Variants in NEO1 observed in about 807,000 individuals in gnomAD.
NEO1 encodes neogenin.
NEO1 carries 63 observed loss-of-function variants against 159.7 expected under a neutral mutation model. That is an observed-to-expected ratio of 0.39 (90% confidence interval 0.32 to 0.49). NEO1 has a LOEUF of 0.49. NEO1 is among the 20% of genes least tolerant of loss of function. The pLI, the probability that NEO1 is intolerant of heterozygous loss-of-function variation, is 0.85. For missense variants in NEO1, 1,615 were observed against 1,831.0 expected (o/e 0.88, Z 2.15); for synonymous variants, 633 against 662.0 (o/e 0.96, Z 0.67).
chr15:73,155,042 A>T, intron 5 of NEO1, among the ~76,000 whole-genome samples: 1 of 149,880 alleles, frequency 6.7e-6, no homozygotes, highest in East Asian at 2.0e-4. Flanking sequence ...TTGTGTTGTC[A>T]TGGTGGTGAA....
At chr15:73,278,757 A>G (rs2041535211) in intron 22 of NEO1, among the ~76,000 whole-genome samples, 1 of 152,212 alleles carries the variant, frequency 6.6e-6, no homozygotes, top group Admixed American at 6.5e-5. Flanking sequence ...GAGAACAGAT[A>G]CCGTTATTCC....
rs149842173 is a variant in NEO1, at chr15:73,183,884, C to G, written c.1291+5457C>G. ...AATAAAATCCATTCCAAGCTCAATT[C>G]CTGACTAGATTAACTAAACTCTTTC... On this transcript the variant is annotated intron_variant, in intron 7 of 28. Coordinates refer to ENST00000261908, the MANE Select transcript of NEO1 (RefSeq NM_002499.4). Among the ~76,000 whole-genome samples the G allele has an allele frequency of 5.5e-4, 83 of 152,250 alleles. 1 individual carries two copies. Among genetic ancestry groups the G allele is most frequent in the African/African-American group, 2.0e-3 (81 of 41,534 alleles).
intron 1 of NEO1, among the ~76,000 whole-genome samples, chr15:73,081,412 A>G (rs550229785): frequency 5.3e-5 from 8 of 152,324 alleles, no homozygotes; most frequent in Admixed American, 4.6e-4. Flanking sequence ...GGCCAATTGT[A>G]ACTACCCTGT....
At chr15:73,231,245 G>A (rs2038892392) in intron 7 of NEO1, among the ~76,000 whole-genome samples, 1 of 152,100 alleles carries the variant, frequency 6.6e-6, no homozygotes, top group Non-Finnish European at 1.5e-5. Context: ...ATAAGAATCT[G>A]CAGATACAGA....
chr15:73,251,310 A>G (rs143853096), intron 11 of NEO1, among the ~76,000 whole-genome samples: 1,955 of 152,136 alleles, frequency 0.013, 26 homozygotes, highest in East Asian at 0.049. Flanking sequence ...CAAGAGTTCA[A>G]GACCAGCCTG....
At chr15:73,107,532 C>T (rs888382300) in intron 1 of NEO1, among the ~76,000 whole-genome samples, 2 of 152,184 alleles carry the variant, frequency 1.3e-5, no homozygotes, top group Non-Finnish European at 2.9e-5. Flanking sequence ...CATTGCCCAT[C>T]ATAGAAAAAT....
At chr15:73,289,943 C>G (rs1255846649) in intron 25 of NEO1, among the ~76,000 whole-genome samples, 1 of 151,792 alleles carries the variant, frequency 6.6e-6, no homozygotes, top group Non-Finnish European at 1.5e-5. Context: ...GAGTGAGACT[C>G]TGTCTCAAAA....
intron 1 of NEO1, among the ~76,000 whole-genome samples, chr15:73,105,928 A>G (rs889806979): frequency 6.6e-6 from 1 of 152,214 alleles, no homozygotes; most frequent in African/African-American, 2.4e-5. Flanking sequence ...CCCCCTTTGT[A>G]ATTAATGATT....
chr15:73,290,155 A>C (rs1166053056), intron 25 of NEO1, among the ~76,000 whole-genome samples: 3 of 151,880 alleles, frequency 2.0e-5, no homozygotes, highest in East Asian at 3.9e-4. Flanking sequence ...ATTAATTAAA[A>C]TAATAAAATT....
chr15:73,192,945 G>A (rs935587222), intron 7 of NEO1, among the ~76,000 whole-genome samples: 1 of 151,756 alleles, frequency 6.6e-6, no homozygotes, highest in Non-Finnish European at 1.5e-5. Flanking sequence ...AATTAAACTT[G>A]GAATATTTAA....
intron 7 of NEO1, among the ~76,000 whole-genome samples, chr15:73,224,998 C>A (rs939800109): frequency 6.6e-6 from 1 of 152,094 alleles, no homozygotes; most frequent in Non-Finnish European, 1.5e-5. Flanking sequence ...ATGGGGTGTT[C>A]CCTTGATGTA....
intron 7 of NEO1, among the ~76,000 whole-genome samples, chr15:73,186,216 A>G (rs2035916462): frequency 6.6e-6 from 1 of 151,876 alleles, no homozygotes; most frequent in African/African-American, 2.4e-5. Flanking sequence ...AGTAGTTTTT[A>G]GTTTAAAAAA....
chr15:73,222,948 T>C (rs1336106092), intron 7 of NEO1, among the ~76,000 whole-genome samples: 1 of 152,222 alleles, frequency 6.6e-6, no homozygotes, highest in East Asian at 1.9e-4. Context: ...CTCCCTTTGC[T>C]GTATCCCAGA....
intron 20 of NEO1, among the ~76,000 whole-genome samples, 183 bp downstream of exon 20, chr15:73,274,188 C>T (rs1017946361): frequency 6.6e-6 from 1 of 152,132 alleles, no homozygotes; most frequent in Non-Finnish European, 1.5e-5. Context: ...AATCAGTGCT[C>T]CCTGGGTTAC....
intron 5 of NEO1, among the ~76,000 whole-genome samples, chr15:73,138,688 C>T (rs1461150709): frequency 1.3e-5 from 2 of 150,294 alleles, no homozygotes; most frequent in Admixed American, 6.6e-5. Context: ...CCTGGGAAGC[C>T]GAGCTTGCAG....
chr15:73,116,156 C>A (rs922054812), intron 1 of NEO1, among the ~76,000 whole-genome samples: 1 of 151,880 alleles, frequency 6.6e-6, no homozygotes, highest in Non-Finnish European at 1.5e-5. Context: ...TAAAAAGATA[C>A]CTCTTAAGAA....
rs375518295 is a variant in NEO1, at chr15:73,169,541, G to A, written c.1016-6862G>A. Among the ~76,000 whole-genome samples, 3 of 151,798 alleles carry A rather than the reference G, an allele frequency of 2.0e-5. No homozygotes were observed. In the South Asian group the frequency reaches 6.2e-4, roughly 32 times the overall value. Reference sequence around the variant, plus strand: ...GCATTATTTTATAATTCATGAAAGGGAAACTAATGATTAATTGAACATTGC... The same window carrying A: ...GCATTATTTTATAATTCATGAAAGGAAAACTAATGATTAATTGAACATTGC... On this transcript the variant is annotated intron_variant, in intron 5 of 28. Transcript: ENST00000261908.
chr15:73,173,817 T>G (rs2035117404), intron 5 of NEO1, among the ~76,000 whole-genome samples: 3 of 152,026 alleles, frequency 2.0e-5, no homozygotes, highest in Admixed American at 6.6e-5. Flanking sequence ...GAATTATTAA[T>G]GGCCGGTCGC....
Position 73,176,647 on chromosome 15 carries a change from C to T in NEO1, c.1170+90C>T, listed in dbSNP as rs1372053286. On this transcript the variant is annotated intron_variant, in intron 6 of 28. Coordinates refer to ENST00000261908, the MANE Select transcript of NEO1 (RefSeq NM_002499.4). ...CGAGAGATCAGTTATCTTATATATA[C>T]TAGTTTGTGTACTGCAAATGAAATA... 6 of 961,962 alleles carry T rather than the reference C, an allele frequency of 6.2e-6. No homozygotes were observed. The Admixed American group carries it at 1.2e-4, about 19-fold the overall frequency. 59.6% of individuals were successfully genotyped at this position (961,962 alleles called of 1,614,324 possible). A position where few individuals can be genotyped will look rare whatever the true frequency, so the allele number is the denominator to read the frequency against.
Sources: gnomAD v4.1 joint callset for allele counts (sites outside exome capture counted in the v4.1 genomes callset) on GRCh38, gnomAD v4.1.1 for gene constraint, MANE v1.5 for transcripts, NCBI Gene and HGNC (gene_info 2026-07-23, HGNC 2026-07-21) for gene names.